Variants in ABCA9 observed in about 807,000 individuals in gnomAD.
ABCA9 encodes the protein ATP binding cassette subfamily A member 9.
Under a neutral mutation model 205.3 loss-of-function variants are expected in ABCA9, and 183 were observed. The ratio of observed to expected loss-of-function variants is 0.89; its 90% confidence interval spans 0.79 to 1.01. The LOEUF (loss-of-function observed/expected upper bound fraction) is 1.01. ABCA9 is among the 50% of genes least tolerant of loss of function. ABCA9 has a pLI of 0.00. For missense variants in ABCA9, 1,805 were observed against 1,912.4 expected, an observed-to-expected ratio of 0.94 and a Z score of 1.05; for synonymous variants, 651 against 683.3, an observed-to-expected ratio of 0.95 and a Z score of 0.74.
chr17:68,996,160 C>G lies in ABCA9; in HGVS notation c.3436-146G>C, dbSNP rs567355251. ...GTATTTATATCATTTCTTTCCTTTG[C>G]AACATGGAATTTCATCACAGTTTTG... On this transcript the variant is annotated intron_variant, in intron 25 of 38. Coordinates refer to ENST00000340001, the MANE Select transcript of ABCA9 (RefSeq NM_080283.4). The G allele has an allele frequency of 8.6e-5, 68 of 792,560 alleles. No individual in the cohort carries two copies. In the African/African-American group the frequency reaches 1.0e-3, roughly 12 times the overall value. The allele number at this position is 792,560 out of a possible 1,614,324, so 49.1% of individuals were successfully genotyped here.
chr17:69,036,355 C>A (rs1030855826), intron 6 of ABCA9, among the ~76,000 whole-genome samples: 3 of 152,118 alleles, frequency 2.0e-5, no homozygotes, highest in Non-Finnish European at 4.4e-5. Context: ...TACATTTTCA[C>A]ATGCCACAAA....
chr17:69,026,504 G>A (rs1484069852), intron 15 of ABCA9, 37 bp from the exon 16 acceptor site: 2 of 1,516,096 alleles, frequency 1.3e-6, no homozygotes, highest in Non-Finnish European at 1.8e-6. Flanking sequence ...TTACATGAAG[G>A]ACTTATTTCT....
At chr17:69,061,153 G>A (rs2072236156), upstream of ABCA9, 7 of 985,032 alleles carry the variant, frequency 7.1e-6, no homozygotes, top group South Asian at 1.9e-4. Flanking sequence ...ATGGTTGGCT[G>A]GACATATCAA....
At chr17:68,988,053 C>G (rs551740192) in intron 31 of ABCA9, among the ~76,000 whole-genome samples, 1 of 152,102 alleles carries the variant, frequency 6.6e-6, no homozygotes, top group Non-Finnish European at 1.5e-5. Context: ...CAGGAGCCAC[C>G]GTGCCCGGAC....
intron 3 of ABCA9, 118 bp downstream of exon 3, chr17:69,049,165 A>T: frequency 8.8e-7 from 1 of 1,130,844 alleles, no homozygotes; most frequent in Non-Finnish European, 1.2e-6. Flanking sequence ...AATATACGTT[A>T]ATGTTGTTAA....
intron 9 of ABCA9, chr17:69,032,967 G>A (rs1465055502): frequency 6.6e-6 from 1 of 152,032 alleles, no homozygotes; most frequent in Non-Finnish European, 1.5e-5. Context: ...GGAATTGACA[G>A]ACAGACCCCA....
chr17:69,072,880 T>G, the ABCA9 span, among the ~76,000 whole-genome samples: 1 of 152,136 alleles, frequency 6.6e-6, no homozygotes, highest in Non-Finnish European at 1.5e-5. Flanking sequence ...ACACATAGGC[T>G]GCTCAAAATG....
chr17:69,013,692 C>T (rs1250266748), intron 22 of ABCA9, among the ~76,000 whole-genome samples: 2 of 150,970 alleles, frequency 1.3e-5, no homozygotes, highest in Non-Finnish European at 2.9e-5. Flanking sequence ...AGCTGAAAGA[C>T]ACTGGATGCC....
chr17:68,990,603 C>T (rs2144028338), intron 29 of ABCA9, among the ~76,000 whole-genome samples: 1 of 152,276 alleles, frequency 6.6e-6, no homozygotes, highest in African/African-American at 2.4e-5. Context: ...CCAGGCTGGT[C>T]TCAAACACCT....
At chr17:69,045,774 A>C (rs1399313695) in intron 3 of ABCA9, among the ~76,000 whole-genome samples, 1 of 152,068 alleles carries the variant, frequency 6.6e-6, no homozygotes, top group African/African-American at 2.4e-5. Context: ...TGCTTATAAA[A>C]CCATCAGATT....
rs1300396388 is a variant in ABCA9, at chr17:69,023,066, G to C, written c.2281+1148C>G. 6.6e-6 allele frequency: 1 copy of C among 152,122 alleles called. No homozygotes were observed. Among genetic ancestry groups the C allele is most frequent in the Non-Finnish European group, 1.5e-5 (1 of 68,026 alleles). 9.4% of individuals were successfully genotyped at this position (152,122 alleles called of 1,614,324 possible). On this transcript the variant is annotated intron_variant, in intron 17 of 38. Transcript: ENST00000340001. The surrounding 1 kb of genome is among the most constrained non-coding windows in gnomAD (Gnocchi z 4.2). The stretch of plus-strand genomic sequence containing the variant: ...CTCAAAGATATTGTGTATGCACTGT[G>C]AACCATTATTTCACTTATTCTAAGA...
Position 69,043,725 on chromosome 17 carries a change from G to T in ABCA9, c.574-10C>A. On this transcript the variant is annotated splice_polypyrimidine_tract_variant and intron_variant, in intron 5 of 38. Transcript: ENST00000340001. ...AATGATTTGTTGCGATCTGAAGAAAGATATCAATGAACAAATTGTTATCAT... is the reference window on the plus strand; with the variant it reads ...AATGATTTGTTGCGATCTGAAGAAATATATCAATGAACAAATTGTTATCAT... The T allele has an allele frequency of 6.4e-7, 1 of 1,567,786 alleles. No individual in the cohort carries two copies. Among genetic ancestry groups the T allele is most frequent in the Non-Finnish European group, 8.6e-7 (1 of 1,159,220 alleles).
At chr17:68,994,732 T>C (rs1308919235) in intron 26 of ABCA9, among the ~76,000 whole-genome samples, 1 of 152,192 alleles carries the variant, frequency 6.6e-6, no homozygotes, top group Non-Finnish European at 1.5e-5. Context: ...TATAATTTCA[T>C]ATTAAGCATG....
intron 6 of ABCA9, 84 bp from the exon 7 acceptor site, chr17:69,035,885 G>A (rs890396941): frequency 2.0e-6 from 3 of 1,482,674 alleles, no homozygotes; most frequent in Admixed American, 4.1e-5. Flanking sequence ...GATTTGTGAA[G>A]CTCACCATTT....
chr17:69,045,019 T>A (rs994139653), intron 4 of ABCA9, among the ~76,000 whole-genome samples, 153 bp downstream of exon 4: 2 of 152,196 alleles, frequency 1.3e-5, no homozygotes, highest in Admixed American at 1.3e-4. Flanking sequence ...ATAAGCTTCA[T>A]TTAATAAATA....
In ABCA9 at chr17:68,993,031, G is replaced by C. The variant is rs778456921; in HGVS notation, c.3609C>G (p.Tyr1203Ter). 1 of 1,613,252 alleles carries C rather than the reference G, an allele frequency of 6.2e-7. No homozygotes were observed. The highest frequency in any genetic ancestry group is 8.5e-7 in the Non-Finnish European group (1 of 1,179,482). Residue 1203 changes from tyrosine to a stop codon, truncating the protein, a stop_gained, in exon 27 of 39, where the codon TAC (tyrosine) becomes TAG (stop). Coordinates refer to ENST00000340001, the MANE Select transcript of ABCA9 (RefSeq NM_080283.4). LOFTEE classifies it high-confidence loss of function. ...YLGASESEIVYLALLIPYLHF... is the reference protein window; with the variant it reads ...YLGASESEIV The stretch of plus-strand genomic sequence containing the variant: ...GTCTTCTTACTATTAGCAGTGCCAG[G>C]TATACAATTTCAGATTCTGAAGCTC...
intron 10 of ABCA9, among the ~76,000 whole-genome samples, chr17:69,029,646 G>A (rs140436707): frequency 1.3e-4 from 20 of 152,244 alleles, no homozygotes; most frequent in African/African-American, 4.8e-4. Flanking sequence ...TTCACAACTG[G>A]TGAAGTCCCA....
chr17:69,005,207 C>T (rs1433090162), intron 25 of ABCA9, among the ~76,000 whole-genome samples: 1 of 152,174 alleles, frequency 6.6e-6, no homozygotes, highest in African/African-American at 2.4e-5. Context: ...TCTATCAGTA[C>T]CTTTGAAGCC....
rs1002565638 is a variant in ABCA9 at position 68,992,087 on chromosome 17, T to A, written c.3716+88A>T. ...TCTTTAAAAACCATCCTGTGAAGTG[T>A]CTTTTACTTAATTAATTCAGCACAT... On this transcript the variant is annotated intron_variant, in intron 28 of 38. Coordinates refer to ENST00000340001, the MANE Select transcript of ABCA9 (RefSeq NM_080283.4). 8 of 888,914 alleles carry A rather than the reference T, an allele frequency of 9.0e-6. No homozygotes were observed. The African/African-American group carries it at 1.4e-4, about 15-fold the overall frequency. The allele number at this position is 888,914 out of a possible 1,614,324, so 55.1% of individuals were successfully genotyped here.
Sources: gnomAD v4.1 joint callset for allele counts (sites outside exome capture counted in the v4.1 genomes callset) on GRCh38, gnomAD v4.1.1 for gene constraint, Gnocchi (gnomAD v3.1) non-coding constraint, MANE v1.5 for transcripts, NCBI Gene and HGNC (gene_info 2026-07-23, HGNC 2026-07-21) for gene names.